Variants in NRG1 observed in about 807,000 individuals in gnomAD.
The protein encoded by NRG1 is pro-neuregulin-1, membrane-bound isoform.
Under a neutral mutation model 63.8 loss-of-function variants are expected in NRG1, and 18 were observed. The ratio of observed to expected loss-of-function variants is 0.28; its 90% CI spans 0.19 to 0.42. NRG1 has a LOEUF of 0.42. NRG1 is among the 10% of genes least tolerant of loss of function. The pLI is 1.00. For missense variants in NRG1, 762 were observed against 814.7 expected (o/e 0.94, Z 0.79); for synonymous variants, 302 against 301.3 (o/e 1.00, Z -0.02).
At chr8:31,767,320 G>A (rs1378432936) in intron 1 of NRG1, among the ~76,000 whole-genome samples, 1 of 152,208 alleles carries the variant, frequency 6.6e-6, no homozygotes, top group African/African-American at 2.4e-5. Flanking sequence ...ATGTGTGGCA[G>A]AACATTTAGT....
intron 1 of NRG1, among the ~76,000 whole-genome samples, chr8:31,647,156 T>C (rs1378886746): frequency 3.9e-5 from 6 of 152,248 alleles, no homozygotes; most frequent in African/African-American, 1.4e-4. Flanking sequence ...TCCTTGGATC[T>C]CTCTTCACAG....
At chr8:32,000,229 G>A (rs1409670763) in intron 1 of NRG1, among the ~76,000 whole-genome samples, 1 of 151,974 alleles carries the variant, frequency 6.6e-6, no homozygotes, top group Non-Finnish European at 1.5e-5. Flanking sequence ...TTCAGAGCAA[G>A]CATTTTAGGT....
chr8:32,345,823 A>G (rs1347303525), intron 1 of NRG1, among the ~76,000 whole-genome samples: 1 of 151,796 alleles, frequency 6.6e-6, no homozygotes. Flanking sequence ...AACCCTGCAG[A>G]GACGGCCAAC....
intron 1 of NRG1, among the ~76,000 whole-genome samples, chr8:31,892,178 T>G (rs534214289): frequency 1.0e-3 from 152 of 152,266 alleles, no homozygotes; most frequent in Non-Finnish European, 1.9e-3. Flanking sequence ...GCCTATGAAT[T>G]TACACTGATC....
At chr8:32,564,136 G>A (rs1836994262) in intron 1 of NRG1, among the ~76,000 whole-genome samples, 1 of 152,156 alleles carries the variant, frequency 6.6e-6, no homozygotes, top group Non-Finnish European at 1.5e-5. Flanking sequence ...AGAGAATGCT[G>A]TCTGTCATTA....
At chr8:31,686,694 C>A (rs1426322596) in intron 1 of NRG1, among the ~76,000 whole-genome samples, 2 of 152,038 alleles carry the variant, frequency 1.3e-5, no homozygotes, top group East Asian at 1.9e-4. Flanking sequence ...TTCTTCAAAG[C>A]TTTTTTGCCA....
At chr8:32,254,010 G>T (rs1849408520) in intron 1 of NRG1, among the ~76,000 whole-genome samples, 1 of 152,094 alleles carries the variant, frequency 6.6e-6, no homozygotes, top group Non-Finnish European at 1.5e-5. Context: ...ATGGTAGTTT[G>T]TATTTCTGTG....
chr8:32,769,936 C>G (rs979300648), downstream of NRG1, among the ~76,000 whole-genome samples: 2 of 152,112 alleles, frequency 1.3e-5, no homozygotes, highest in East Asian at 3.8e-4. Flanking sequence ...AGTTTTGTTA[C>G]CTGGAGGAAA....
At chr8:31,997,388 CCTT>C (rs1302612427) in intron 1 of NRG1, among the ~76,000 whole-genome samples, 13 of 151,960 alleles carry the variant, frequency 8.6e-5, no homozygotes, top group African/African-American at 3.1e-4. Flanking sequence ...TTTGTCCTGT[CCTT>C]CTTCTGGCTA....
chr8:31,854,649 G>T (rs1272666528), intron 1 of NRG1, among the ~76,000 whole-genome samples: 1 of 151,998 alleles, frequency 6.6e-6, no homozygotes, highest in African/African-American at 2.4e-5. Flanking sequence ...CTTGCCTTCT[G>T]CTAGCTTTTG....
chr8:31,828,099 G>T (rs1187020553), intron 1 of NRG1, among the ~76,000 whole-genome samples: 1 of 152,160 alleles, frequency 6.6e-6, no homozygotes, highest in Non-Finnish European at 1.5e-5. Context: ...GGCCAGGAAG[G>T]TCTGAAGTTT....
chr8:32,196,178 ATACT>A, intron 1 of NRG1, among the ~76,000 whole-genome samples: 1 of 151,214 alleles, frequency 6.6e-6, no homozygotes, highest in Non-Finnish European at 1.5e-5. Context: ...ATCTGTACAC[ATACT>A]TACAGTTTAC....
In NRG1 at chr8:32,028,740, T is replaced by A. The variant is rs540571343; in HGVS notation, c.37+389309T>A. Among the ~76,000 whole-genome samples, 45 of 152,322 alleles carry A rather than the reference T, an allele frequency of 3.0e-4. No homozygotes were observed. The South Asian group carries it at 7.7e-3, about 26-fold the overall frequency. On this transcript the variant is annotated intron_variant, in intron 1 of 10. Coordinates refer to the NRG1 transcript ENST00000519301. Reference sequence around the variant, plus strand: ...TTTCAAAAGTTAGACATTCAAAAACTGCAAGAAGAATATTTTTTCAAGATT... The same window carrying A: ...TTTCAAAAGTTAGACATTCAAAAACAGCAAGAAGAATATTTTTTCAAGATT...
At chr8:32,651,842 G>T (rs765344736) in intron 5 of NRG1, among the ~76,000 whole-genome samples, 20 of 152,006 alleles carry the variant, frequency 1.3e-4, no homozygotes, top group Non-Finnish European at 2.2e-4. Flanking sequence ...ATGTTTGTAG[G>T]TATTTCAGAA....
intron 1 of NRG1, among the ~76,000 whole-genome samples, chr8:31,943,232 A>T (rs1417186807): frequency 6.6e-6 from 1 of 152,208 alleles, no homozygotes; most frequent in African/African-American, 2.4e-5. Context: ...TGACATTTGT[A>T]GCAACCTGGA....
chr8:31,720,577 G>C (rs2131303641), intron 1 of NRG1, among the ~76,000 whole-genome samples: 1 of 152,272 alleles, frequency 6.6e-6, no homozygotes. Context: ...TTATGAGTGA[G>C]AACATGCAAT....
intron 1 of NRG1, among the ~76,000 whole-genome samples, chr8:32,111,759 T>C (rs1563799927): frequency 6.6e-6 from 1 of 152,074 alleles, no homozygotes; most frequent in East Asian, 1.9e-4. Context: ...AGTGAGAAAA[T>C]TGAGCGAATC....
At chr8:32,161,877 A>G (rs966371624) in intron 1 of NRG1, among the ~76,000 whole-genome samples, 1 of 152,234 alleles carries the variant, frequency 6.6e-6, no homozygotes, top group Non-Finnish European at 1.5e-5. Flanking sequence ...TCCAACACAC[A>G]TACACTTAAC....
At chr8:31,745,060 A>G (rs573747300) in intron 1 of NRG1, among the ~76,000 whole-genome samples, 1 of 152,122 alleles carries the variant, frequency 6.6e-6, no homozygotes, top group East Asian at 1.9e-4. Context: ...AATGAATTGC[A>G]GAGTTAATGC....
Sources: allele counts gnomAD v4.1 joint callset (sites outside exome capture counted in the v4.1 genomes callset), GRCh38; gene constraint gnomAD v4.1.1; transcripts MANE v1.5; gene names NCBI Gene and HGNC (gene_info 2026-07-23, HGNC 2026-07-21).